Variants in CAMK4 observed in about 807,000 individuals in gnomAD.
CAMK4 encodes the protein calcium/calmodulin dependent protein kinase IV.
CAMK4 carries 22 observed loss-of-function variants against 44.9 expected under a neutral mutation model. The observed-to-expected ratio is 0.49, with a 90% CI of 0.35 to 0.70. CAMK4 has a LOEUF of 0.70. CAMK4 is among the 30% of genes least tolerant of loss of function. CAMK4 has a pLI of 0.01. For missense variants in CAMK4, 498 were observed against 586.8 expected, an observed-to-expected ratio of 0.85 and a Z score of 1.56; for synonymous variants, 218 against 215.4, an observed-to-expected ratio of 1.01 and a Z score of -0.11.
Position 111,224,589 on chromosome 5 carries a change from G to C in CAMK4, c.106G>C (p.Gly36Arg). ...CCTCGTCCCGGATTACTGGATCGAC[G>C]GCTCCAACAGGGATGCGCTGAGCGA... ...ASLVPDYWID[G>R]SNRDALSDFF... Residue 36 changes from glycine (G) to arginine (R), a missense_variant, in exon 1 of 11, where the codon GGC (glycine) becomes CGC (arginine). Physicochemically the swap from Gly to Arg is moderately radical, Grantham distance 125. Transcript: ENST00000282356. This position sits in a 1 kb window ranked among gnomAD's most constrained non-coding sequence, Gnocchi z 5.7. The C allele has an allele frequency of 1.2e-6, 2 of 1,612,218 alleles. No individual in the cohort carries two copies. Among genetic ancestry groups the C allele is most frequent in the Non-Finnish European group, 1.7e-6 (2 of 1,179,634 alleles).
At chr5:111,374,281 T>A (rs1201679240) in intron 2 of CAMK4, among the ~76,000 whole-genome samples, 1 of 152,186 alleles carries the variant, frequency 6.6e-6, no homozygotes, top group Non-Finnish European at 1.5e-5. Context: ...GACTGTATCC[T>A]CTTTTGCTCT....
chr5:111,229,953 C>A (rs1358112986), intron 1 of CAMK4, among the ~76,000 whole-genome samples: 1 of 152,140 alleles, frequency 6.6e-6, no homozygotes, highest in Admixed American at 6.5e-5. Context: ...GTGCTCATGT[C>A]TAGCAGAGCA....
intron 5 of CAMK4, among the ~76,000 whole-genome samples, chr5:111,416,167 A>G (rs990602450): frequency 2.0e-5 from 3 of 152,284 alleles, no homozygotes; most frequent in South Asian, 4.1e-4. Flanking sequence ...ATTATGATAT[A>G]CCAAAATAAT....
intron 5 of CAMK4, among the ~76,000 whole-genome samples, chr5:111,396,825 G>A (rs1201602235): frequency 6.6e-6 from 1 of 151,566 alleles, no homozygotes; most frequent in African/African-American, 2.4e-5. Flanking sequence ...ATTTTTAGTA[G>A]AGATGGGGTT....
At chr5:111,237,243 C>T (rs1748770911) in intron 1 of CAMK4, among the ~76,000 whole-genome samples, 1 of 152,202 alleles carries the variant, frequency 6.6e-6, no homozygotes, top group Non-Finnish European at 1.5e-5. Flanking sequence ...TTTTGTCAGT[C>T]ATCTCTATCT....
At chr5:111,477,358 A>C (rs962148176) in intron 8 of CAMK4, among the ~76,000 whole-genome samples, 1 of 152,212 alleles carries the variant, frequency 6.6e-6, no homozygotes, top group African/African-American at 2.4e-5. Flanking sequence ...ATTAGGATGC[A>C]CTTTAATTTT....
At chr5:111,228,546 GTA>G (rs1491045558) in intron 1 of CAMK4, among the ~76,000 whole-genome samples, 3 of 150,082 alleles carry the variant, frequency 2.0e-5, no homozygotes, top group South Asian at 4.2e-4. Flanking sequence ...GTGTGTGTGT[GTA>G]TAAAACAGAA....
rs796254264 is a variant in CAMK4, at chr5:111,327,221, G to A, written c.162-16803G>A. On this transcript the variant is annotated intron_variant, in intron 1 of 10. Coordinates refer to ENST00000282356, the MANE Select transcript of CAMK4 (RefSeq NM_001744.6). ...CCCCTTCCTGTGTCCATGTGTTCTC[G>A]TTGTTCAATTCCCACCTATGAGTGA... Among the ~76,000 whole-genome samples, 50 of 99,190 alleles carry A rather than the reference G, an allele frequency of 5.0e-4. No individual in the cohort carries two copies. The South Asian group carries it at 6.6e-3, about 13-fold the overall frequency. The allele number at this position is 99,190 out of a possible 152,430, so 65.1% of individuals were successfully genotyped here. A position where few individuals can be genotyped will look rare whatever the true frequency, so the allele number is the denominator to read the frequency against.
intron 2 of CAMK4, among the ~76,000 whole-genome samples, chr5:111,367,830 A>T (rs938432224): frequency 6.6e-6 from 1 of 152,102 alleles, no homozygotes; most frequent in East Asian, 1.9e-4. Context: ...GGACTTCTTC[A>T]AGGAGTAGTA....
chr5:111,357,391 G>A (rs1005675694), intron 2 of CAMK4, among the ~76,000 whole-genome samples: 4 of 152,126 alleles, frequency 2.6e-5, no homozygotes, highest in East Asian at 3.9e-4. Context: ...GAAGGACACA[G>A]GCTATCAGCC....
chr5:111,451,760 A>T (rs1754245901), intron 7 of CAMK4, among the ~76,000 whole-genome samples: 1 of 152,090 alleles, frequency 6.6e-6, no homozygotes. Context: ...TTAGCTGGGC[A>T]TGTTGGCATG....
intron 5 of CAMK4, among the ~76,000 whole-genome samples, chr5:111,443,517 G>A (rs1278773217): frequency 6.6e-6 from 1 of 151,244 alleles, no homozygotes; most frequent in South Asian, 2.1e-4. Flanking sequence ...GTAGTGTATA[G>A]CTCCTCGTTC....
intron 1 of CAMK4, among the ~76,000 whole-genome samples, chr5:111,319,373 T>A (rs7727573): frequency 0.025 from 3,759 of 152,298 alleles, 157 homozygotes; most frequent in African/African-American, 0.085. Flanking sequence ...GTTAACTATG[T>A]CTTTTTGAAC....
intron 7 of CAMK4, among the ~76,000 whole-genome samples, chr5:111,469,161 AAAAAAAAAAAAATAT>A (rs1321567546): frequency 1.4e-5 from 1 of 71,658 alleles, no homozygotes; most frequent in African/African-American, 5.3e-5. Flanking sequence ...AAAAAAAAAA[AAAAAAAAAAAAATAT>A]ATATATATAT....
At chr5:111,411,553 C>T (rs183204714) in intron 5 of CAMK4, among the ~76,000 whole-genome samples, 2 of 152,290 alleles carry the variant, frequency 1.3e-5, no homozygotes, top group East Asian at 3.9e-4. Flanking sequence ...CAAACCACAA[C>T]CTGATAGGAA....
chr5:111,330,745 T>C (rs1749132782), intron 1 of CAMK4, among the ~76,000 whole-genome samples: 1 of 143,794 alleles, frequency 7.0e-6, no homozygotes, highest in Non-Finnish European at 1.5e-5. Flanking sequence ...AGATAACTAC[T>C]GTAAAACTAC....
intron 1 of CAMK4, among the ~76,000 whole-genome samples, chr5:111,278,958 G>A (rs1750885733): frequency 6.6e-6 from 1 of 152,136 alleles, no homozygotes; most frequent in Non-Finnish European, 1.5e-5. Flanking sequence ...ACCCAATGGC[G>A]GTAGGGTACC....
chr5:111,270,959 A>G (rs921694475), intron 1 of CAMK4, among the ~76,000 whole-genome samples: 4 of 152,218 alleles, frequency 2.6e-5, no homozygotes, highest in African/African-American at 9.7e-5. Flanking sequence ...CAGAAGGGGA[A>G]ACTGGCACCT....
At chr5:111,467,026 A>C (rs1270996394) in intron 7 of CAMK4, among the ~76,000 whole-genome samples, 1 of 152,166 alleles carries the variant, frequency 6.6e-6, no homozygotes, top group Non-Finnish European at 1.5e-5. Context: ...AGAACCCAGA[A>C]ATAAATTGAA....
Sources: allele counts gnomAD v4.1 joint callset (sites outside exome capture counted in the v4.1 genomes callset), GRCh38; gene constraint gnomAD v4.1.1; non-coding constraint Gnocchi (gnomAD v3.1); transcripts MANE v1.5; gene names NCBI Gene and HGNC (gene_info 2026-07-23, HGNC 2026-07-21).